ARFGEF2: variants seen among roughly 807,000 people sequenced by gnomAD.
The protein encoded by ARFGEF2 is ARF guanine nucleotide exchange factor 2.
ARFGEF2 carries 74 observed loss-of-function variants against 219.9 expected under a neutral mutation model. That is an observed-to-expected ratio of 0.34 (90% CI 0.28 to 0.41). The LOEUF is 0.41. ARFGEF2 is among the 10% of genes least tolerant of loss of function. ARFGEF2 has a pLI of 1.00. For synonymous variants in ARFGEF2, 733 were observed against 799.2 expected, an observed-to-expected ratio of 0.92 and a Z score of 1.40; for missense variants, 1,743 against 2,218.3, an observed-to-expected ratio of 0.79 and a Z score of 4.30.
At chr20:49,030,200 C>T (rs560345310) in intron 37 of ARFGEF2, among the ~76,000 whole-genome samples, 158 of 152,146 alleles carry the variant, frequency 1.0e-3, no homozygotes, top group East Asian at 3.7e-3. Flanking sequence ...CCACTGCGCC[C>T]GGCCTAAAAG....
rs1421416566 is a variant in ARFGEF2 at position 49,026,405 on chromosome 20, A to G, written c.4924+924A>G. Among the ~76,000 whole-genome samples, 4 of 152,138 alleles carry G rather than the reference A, an allele frequency of 2.6e-5. 1 individual carries two copies. Among genetic ancestry groups the G allele is most frequent in the Admixed American group, 2.6e-4 (4 of 15,258 alleles). The stretch of plus-strand genomic sequence containing the variant: ...AAAAGTGTGGTAGTCTAGGAAAAAC[A>G]GAAACCATTCATCAATTTTCCAAGC... On this transcript the variant is annotated intron_variant, in intron 36 of 38. Coordinates refer to ENST00000371917, the MANE Select transcript of ARFGEF2 (RefSeq NM_006420.3).
intron 34 of ARFGEF2, among the ~76,000 whole-genome samples, chr20:49,019,436 G>T (rs2091551206): frequency 6.6e-6 from 1 of 152,116 alleles, no homozygotes; most frequent in Non-Finnish European, 1.5e-5. Flanking sequence ...TTATACGATT[G>T]TCTATTATTC....
Position 48,953,643 on chromosome 20 carries a change from G to A in ARFGEF2, c.691G>A (p.Val231Ile), listed in dbSNP as rs974192671. 9 of 1,613,970 alleles carry A rather than the reference G, an allele frequency of 5.6e-6. No homozygotes were observed. Among genetic ancestry groups the A allele is most frequent in the African/African-American group, 4.0e-5 (3 of 74,882 alleles). ...IQAAAVSPKF[V>I]RLKHSQAQSK... is the part of the protein sequence containing the mutation. The stretch of plus-strand genomic sequence containing the variant: ...AGCTGCAGCAGTATCCCCAAAGTTC[G>A]TTCGTTTGAAGCACAGTCAGGCACA... The change falls in exon 6 of 39, where the codon GTT (valine) becomes ATT (isoleucine). Residue 231 changes from valine to isoleucine, a missense_variant. Val to Ile is a conservative substitution (Grantham distance 29). This residue lies in a region of ARFGEF2 where 394 missense variants were observed against 426.6 expected (regional missense o/e 0.92). Transcript: ENST00000371917.
intron 37 of ARFGEF2, among the ~76,000 whole-genome samples, chr20:49,030,604 T>G (rs1244664640): frequency 2.0e-5 from 3 of 152,190 alleles, no homozygotes; most frequent in South Asian, 2.1e-4. Context: ...TAACAAGTCA[T>G]AAAGTGAAAA....
chr20:49,036,440 C>T lies in ARFGEF2; in HGVS notation c.*3241C>T. 1 of 391,008 alleles carries T rather than the reference C, an allele frequency of 2.6e-6. No individual in the cohort carries two copies. Among genetic ancestry groups the T allele is most frequent in the Non-Finnish European group, 4.5e-6 (1 of 222,038 alleles). The allele number at this position is 391,008 out of a possible 1,614,324, so 24.2% of individuals were successfully genotyped here. ...TTTATGTGTAAAATGTATGTTTTAC[C>T]TCCTTAAAATGCCTAAAAGTTAGTT... is the stretch of plus-strand genomic sequence containing the variant. On this transcript the variant is annotated 3_prime_UTR_variant, in exon 39 of 39. Coordinates refer to ENST00000371917, the MANE Select transcript of ARFGEF2 (RefSeq NM_006420.3).
intron 25 of ARFGEF2, 37 bp from the exon 26 acceptor site, chr20:49,005,033 C>G (rs747818595): frequency 1.9e-6 from 3 of 1,613,672 alleles, no homozygotes; most frequent in African/African-American, 2.7e-5. Context: ...CATTATTACA[C>G]TATACCTGTT....
Position 48,994,446 on chromosome 20 carries a change from C to G in ARFGEF2, c.2974-5C>G. ...ACTCATTTCTTCATGCCTTCTTTCT[C>G]TTAGATCTTGAAATGCATCAGCCAG... On this transcript the variant is annotated splice_region_variant and splice_polypyrimidine_tract_variant and intron_variant, in intron 21 of 38. Transcript: ENST00000371917. 6.2e-7 allele frequency: 1 copy of G among 1,613,924 alleles called. No homozygotes were observed. Among genetic ancestry groups the G allele is most frequent in the Non-Finnish European group, 8.5e-7 (1 of 1,180,004 alleles).
rs527462203 is a variant in ARFGEF2, at chr20:48,930,009, C to T, written c.121+7999C>T. 9.2e-5 allele frequency among the ~76,000 whole-genome samples: 14 copies of T among 152,248 alleles called. No individual in the cohort carries two copies. In the East Asian group the frequency reaches 2.7e-3, roughly 29 times the overall value. On this transcript the variant is annotated intron_variant, in intron 1 of 38. Coordinates refer to ENST00000371917, the MANE Select transcript of ARFGEF2 (RefSeq NM_006420.3). ...ATCATTTGGACCACTGTGTTCAGAACATCTTAGGGGAAGACCAGAGGGATT... is the reference window on the plus strand; with the variant it reads ...ATCATTTGGACCACTGTGTTCAGAATATCTTAGGGGAAGACCAGAGGGATT...
At chr20:49,010,557 T>C (rs566958120) in intron 27 of ARFGEF2, among the ~76,000 whole-genome samples, 153 bp downstream of exon 27, 1 of 152,278 alleles carries the variant, frequency 6.6e-6, no homozygotes, top group East Asian at 1.9e-4. Flanking sequence ...GCTTGATGAG[T>C]ATTAATCTTG....
chr20:48,994,454 T>G lies in ARFGEF2; in HGVS notation c.2977T>G (p.Leu993Val). Reference protein sequence around the residue: ...NYLGNSWHEILKCISQLELAQ... With the variant: ...NYLGNSWHEIVKCISQLELAQ... ...CTTCATGCCTTCTTTCTCTTAGATC[T>G]TGAAATGCATCAGCCAGCTGGAGCT... The change falls in exon 22 of 39, where the codon TTG (leucine) becomes GTG (valine). Residue 993 changes from leucine to valine, a missense_variant. Physicochemically the swap from Leu to Val is conservative, Grantham distance 32. Around this residue, in one of 5 missense-constraint regions of ARFGEF2, gnomAD observed 666 missense variants for 955.4 expected, o/e 0.70. Transcript: ENST00000371917. 6.2e-7 allele frequency: 1 copy of G among 1,614,076 alleles called. No homozygotes were observed. The highest frequency in any genetic ancestry group is 8.5e-7 in the Non-Finnish European group (1 of 1,180,028).
chr20:48,950,087 T>C (rs1241735877), intron 3 of ARFGEF2, among the ~76,000 whole-genome samples: 3 of 152,198 alleles, frequency 2.0e-5, no homozygotes, highest in African/African-American at 7.2e-5. Flanking sequence ...GAAATCATCC[T>C]GCTGCTGACC....
At chr20:49,012,736 T>C (rs1439591999) in intron 28 of ARFGEF2, among the ~76,000 whole-genome samples, 2 of 152,194 alleles carry the variant, frequency 1.3e-5, no homozygotes, top group Admixed American at 1.3e-4. Context: ...CCAATGTTGA[T>C]TGAGCACTTA....
At chr20:48,927,509 C>A (rs145981291) in intron 1 of ARFGEF2, among the ~76,000 whole-genome samples, 1 of 151,886 alleles carries the variant, frequency 6.6e-6, no homozygotes, top group Non-Finnish European at 1.5e-5. Context: ...GCCAAAATGG[C>A]GAAACCCCAT....
intron 14 of ARFGEF2, 26 bp downstream of exon 14, chr20:48,976,225 A>G: frequency 8.1e-6 from 13 of 1,612,674 alleles, no homozygotes; most frequent in Non-Finnish European, 9.3e-6. Context: ...GTTAACTAGC[A>G]GGGATTCTAG....
At chr20:49,022,778 A>AT (rs898487163) in intron 34 of ARFGEF2, among the ~76,000 whole-genome samples, 20 of 151,526 alleles carry the variant, frequency 1.3e-4, no homozygotes, top group South Asian at 6.3e-4. Context: ...GGGAGCAGAG[A>AT]TTTTTTTTTG....
intron 18 of ARFGEF2, 128 bp downstream of exon 18, chr20:48,988,790 T>A: frequency 1.1e-6 from 1 of 886,478 alleles, no homozygotes; most frequent in Non-Finnish European, 1.8e-6. Flanking sequence ...GTGATTGAAT[T>A]AATTATTGTG....
intron 25 of ARFGEF2, among the ~76,000 whole-genome samples, chr20:49,003,490 A>G (rs1397921124): frequency 6.6e-6 from 1 of 151,762 alleles, no homozygotes; most frequent in East Asian, 2.0e-4. Context: ...CTGTAATCCT[A>G]GCTACTCAGG....
At chr20:48,989,472 A>G (rs1458758226) in intron 19 of ARFGEF2, 36 bp downstream of exon 19, 1 of 1,614,130 alleles carries the variant, frequency 6.2e-7, no homozygotes, top group East Asian at 2.2e-5. Flanking sequence ...CATGTGGCTA[A>G]GCCTGATTCT....
chr20:48,980,748 G>A (rs2091290430), intron 14 of ARFGEF2, among the ~76,000 whole-genome samples: 1 of 152,050 alleles, frequency 6.6e-6, no homozygotes, highest in Non-Finnish European at 1.5e-5. Flanking sequence ...GGCCTTCTTT[G>A]TCTCTTTCGA....
Sources: allele counts gnomAD v4.1 joint callset (sites outside exome capture counted in the v4.1 genomes callset), GRCh38; gene constraint gnomAD v4.1.1; regional missense constraint gnomAD v4.1.1; transcripts MANE v1.5; gene names NCBI Gene and HGNC (gene_info 2026-07-23, HGNC 2026-07-21).